Variants in AGBL1 observed in about 807,000 individuals in gnomAD.
The protein encoded by AGBL1 is AGBL carboxypeptidase 1.
AGBL1 carries 130 observed loss-of-function variants against 118.9 expected under a neutral mutation model. That is an observed-to-expected ratio of 1.09 (90% CI 0.95 to 1.26). The LOEUF is 1.26. Ranked by LOEUF, AGBL1 falls within the 50% of genes most tolerant of loss-of-function variation. The pLI is 0.00. For missense variants in AGBL1, 1,584 were observed against 1,298.1 expected (o/e 1.22, Z -3.38); for synonymous variants, 555 against 478.9 (o/e 1.16, Z -2.08).
chr15:86,791,172 C>T (rs1278537253), intron 22 of AGBL1, among the ~76,000 whole-genome samples: 2 of 152,148 alleles, frequency 1.3e-5, no homozygotes, highest in African/African-American at 2.4e-5. Context: ...CAGTTAGTTA[C>T]CATTAGATTG....
At chr15:86,783,268 T>C (rs1270760850) in intron 22 of AGBL1, among the ~76,000 whole-genome samples, 2 of 152,220 alleles carry the variant, frequency 1.3e-5, no homozygotes, top group Non-Finnish European at 2.9e-5. Context: ...GTTCTGGTCC[T>C]CTATTCTGTT....
intron 21 of AGBL1, among the ~76,000 whole-genome samples, chr15:86,565,892 C>G (rs747905868): frequency 1.3e-5 from 2 of 152,234 alleles, no homozygotes; most frequent in Non-Finnish European, 2.9e-5. Context: ...GCTGTGCTAG[C>G]AATGAGCGAG....
intron 11 of AGBL1, among the ~76,000 whole-genome samples, chr15:86,265,362 G>T (rs1300531264): frequency 6.6e-6 from 1 of 152,176 alleles, no homozygotes; most frequent in Non-Finnish European, 1.5e-5. Flanking sequence ...GTTGATGGAA[G>T]AGAAATTCTC....
intron 22 of AGBL1, among the ~76,000 whole-genome samples, chr15:86,800,453 T>C (rs954620675): frequency 5.3e-5 from 8 of 152,146 alleles, no homozygotes; most frequent in Non-Finnish European, 1.2e-4. Context: ...AAAGAGATTC[T>C]AGGACAGAAG....
At chr15:86,108,456 A>G (rs974774670) in intron 1 of AGBL1, among the ~76,000 whole-genome samples, 2 of 152,234 alleles carry the variant, frequency 1.3e-5, no homozygotes, top group Non-Finnish European at 2.9e-5. Flanking sequence ...GTATGCCAGA[A>G]TATAGGAGAT....
At position 86,554,436 on chromosome 15, in the gene AGBL1, C is replaced by G. The variant is rs757739795; in HGVS notation, c.2893C>G (p.Arg965Gly). The G allele has an allele frequency of 6.3e-7, 1 of 1,586,892 alleles. No homozygotes were observed. Among genetic ancestry groups the G allele is most frequent in the East Asian group, 2.3e-5 (1 of 43,814 alleles). Reference protein sequence around the residue: ...SSCSFLVEKSRASTARVVVWR... With the variant: ...SSCSFLVEKSGASTARVVVWR... Reference sequence around the variant, plus strand: ...CTGCAGCTTTCTCGTGGAGAAATCTCGAGCTTCCACGGCCCGGGTGGTGGT... The same window carrying G: ...CTGCAGCTTTCTCGTGGAGAAATCTGGAGCTTCCACGGCCCGGGTGGTGGT... Residue 965 changes from arginine to glycine, a missense_variant, in exon 21 of 23, where the codon CGA (arginine) becomes GGA (glycine). Physicochemically the swap from Arg to Gly is moderately radical, Grantham distance 125. Coordinates refer to ENST00000614907, the MANE Select transcript of AGBL1 (RefSeq NM_001386094.1).
At chr15:86,221,420 G>C (rs2078278810) in intron 5 of AGBL1, among the ~76,000 whole-genome samples, 1 of 152,182 alleles carries the variant, frequency 6.6e-6, no homozygotes, top group Non-Finnish European at 1.5e-5. Flanking sequence ...AGCAGCTTAA[G>C]CTTTTGCTTT....
Position 86,691,080 on chromosome 15 carries a change from T to TAAC in AGBL1, c.3158+16646_3158+16647insCAA, listed in dbSNP as rs531584935. On this transcript the variant is annotated intron_variant, in intron 22 of 22. Coordinates refer to ENST00000614907, the MANE Select transcript of AGBL1 (RefSeq NM_001386094.1). Reference sequence around the variant, plus strand: ...TTTTTTCCTAGACAATTTTCTCTATTAAGAAGTGGAGACAAAGGAAGAACA... The same window carrying TAAC: ...TTTTTTCCTAGACAATTTTCTCTATTAACAAGAAGTGGAGACAAAGGAAGAACA... 1.8e-3 allele frequency among the ~76,000 whole-genome samples: 268 copies of TAAC among 152,176 alleles called. 4 individuals are homozygous for TAAC. The East Asian group carries it at 0.022, about 13-fold the overall frequency.
At chr15:86,782,542 G>A (rs757864215) in intron 22 of AGBL1, among the ~76,000 whole-genome samples, 17 of 152,136 alleles carry the variant, frequency 1.1e-4, no homozygotes, top group Non-Finnish European at 1.8e-4. Context: ...TTTTGTGTGC[G>A]TTCTTGAAAG....
At position 86,679,450 on chromosome 15, in the gene AGBL1, C is replaced by G. The variant is rs191329277; in HGVS notation, c.3158+5014C>G. 2.8e-3 allele frequency among the ~76,000 whole-genome samples: 429 copies of G among 152,192 alleles called. 3 individuals carry two copies. Among genetic ancestry groups the G allele is most frequent in the Middle Eastern group, 0.01 (3 of 294 alleles). ...TATTTATTTGTAACTTCAGTGAACT[C>G]TCTAGTTATACCTAAAAGTATTTCC... On this transcript the variant is annotated intron_variant, in intron 22 of 22. Coordinates refer to ENST00000614907, the MANE Select transcript of AGBL1 (RefSeq NM_001386094.1).
chr15:86,870,663 G>A (rs972225283), intron 22 of AGBL1, among the ~76,000 whole-genome samples: 1 of 151,934 alleles, frequency 6.6e-6, no homozygotes, highest in Non-Finnish European at 1.5e-5. Context: ...AAGCAAGAAA[G>A]GAGCAGAGAA....
intron 22 of AGBL1, among the ~76,000 whole-genome samples, chr15:86,735,602 CTGTGTGTGTGTGTGTGTG>C (rs35147328): frequency 7.0e-6 from 1 of 141,916 alleles, no homozygotes; most frequent in Non-Finnish European, 1.5e-5. Context: ...GAGATACAGA[CTGTGTGTGTGTGTGTGTG>C]TGTGTGTGTG....
intron 18 of AGBL1, among the ~76,000 whole-genome samples, chr15:86,450,687 A>G (rs1566997456): frequency 6.6e-6 from 1 of 152,204 alleles, no homozygotes; most frequent in African/African-American, 2.4e-5. Flanking sequence ...TTAGTTATGT[A>G]CTGACTGTGA....
intron 18 of AGBL1, among the ~76,000 whole-genome samples, chr15:86,423,535 C>T (rs558323168): frequency 3.9e-5 from 6 of 152,094 alleles, no homozygotes; most frequent in Admixed American, 6.5e-5. Context: ...AGTTCTGGCC[C>T]GGGTAATCAT....
chr15:86,196,059 C>T (rs1597529146), intron 5 of AGBL1, among the ~76,000 whole-genome samples: 1 of 152,228 alleles, frequency 6.6e-6, no homozygotes, highest in African/African-American at 2.4e-5. Context: ...TGATTTTTAG[C>T]ATACTAATAT....
intron 1 of AGBL1, among the ~76,000 whole-genome samples, chr15:86,141,697 G>T (rs2076965769): frequency 6.6e-6 from 1 of 152,188 alleles, no homozygotes; most frequent in Non-Finnish European, 1.5e-5. Context: ...ACAGACCTGT[G>T]CTACTCTGGC....
chr15:86,608,094 T>A lies in AGBL1; in HGVS notation c.2994+53557T>A, dbSNP rs2084604651. ...AATGACACAACAGTGACATCATTTG[T>A]TTTTAATGCAGTATTTTTAAAACCA... On this transcript the variant is annotated intron_variant, in intron 21 of 22. Coordinates refer to ENST00000614907, the MANE Select transcript of AGBL1 (RefSeq NM_001386094.1). Among the ~76,000 whole-genome samples, 3 of 152,234 alleles carry A rather than the reference T, an allele frequency of 2.0e-5. No individual in the cohort carries two copies. In the South Asian group the frequency reaches 6.2e-4, roughly 32 times the overall value.
chr15:86,831,978 A>C (rs2079110953), intron 22 of AGBL1, among the ~76,000 whole-genome samples: 1 of 152,122 alleles, frequency 6.6e-6, no homozygotes, highest in Non-Finnish European at 1.5e-5. Flanking sequence ...TCAATTCTTG[A>C]CTTCTGTGTC....
intron 18 of AGBL1, among the ~76,000 whole-genome samples, chr15:86,488,495 G>C (rs567673243): frequency 5.5e-4 from 83 of 152,032 alleles, no homozygotes; most frequent in Non-Finnish European, 7.9e-4. Flanking sequence ...GGTAGTACCA[G>C]GACATTAGAC....
Sources: allele counts gnomAD v4.1 joint callset (sites outside exome capture counted in the v4.1 genomes callset), GRCh38; gene constraint gnomAD v4.1.1; transcripts MANE v1.5; gene names NCBI Gene and HGNC (gene_info 2026-07-23, HGNC 2026-07-21).